Variants in ZNHIT6 observed in about 807,000 individuals in gnomAD.
ZNHIT6 encodes zinc finger HIT-type containing 6.
Under a neutral mutation model 57.2 loss-of-function variants are expected in ZNHIT6, and 45 were observed. The observed-to-expected ratio is 0.79, with a 90% CI of 0.62 to 1.01. The LOEUF (loss-of-function observed/expected upper bound fraction) is 1.01. Ranked by LOEUF, ZNHIT6 falls within the 50% of genes least tolerant of loss-of-function variation. The pLI is 0.00. For synonymous variants in ZNHIT6, 188 were observed against 190.0 expected, an observed-to-expected ratio of 0.99 and a Z score of 0.09; for missense variants, 528 against 567.3, an observed-to-expected ratio of 0.93 and a Z score of 0.70.
Position 85,650,954 on chromosome 1 carries a change from A to T in ZNHIT6, c.*3104T>A, listed in dbSNP as rs1304323944. The T allele has an allele frequency of 6.6e-6, 1 of 152,268 alleles. No individual in the cohort carries two copies. The highest frequency in any genetic ancestry group is 2.4e-5 in the African/African-American group (1 of 41,478). 9.4% of individuals were successfully genotyped at this position (152,268 alleles called of 1,614,324 possible). A position where few individuals can be genotyped will look rare whatever the true frequency, so the allele number is the denominator to read the frequency against. ...AGCACATGGGGAATCTAATTTCAAC[A>T]TGAGTTTTGGTAGGAACAAACTATA... On this transcript the variant is annotated 3_prime_UTR_variant, in exon 10 of 10. Coordinates refer to ENST00000370574, the MANE Select transcript of ZNHIT6 (RefSeq NM_017953.4).
chr1:85,671,466 ATT>A (rs546617696), intron 8 of ZNHIT6, among the ~76,000 whole-genome samples: 9 of 149,536 alleles, frequency 6.0e-5, no homozygotes, highest in African/African-American at 2.2e-4. Flanking sequence ...TAAAAAAAAA[ATT>A]TTTTTTTTTC....
At chr1:85,684,119 A>C (rs563593728) in intron 5 of ZNHIT6, among the ~76,000 whole-genome samples, 1 of 152,228 alleles carries the variant, frequency 6.6e-6, no homozygotes, top group South Asian at 2.1e-4. Flanking sequence ...TACCCTTGGC[A>C]TATCAACGTT....
intron 8 of ZNHIT6, among the ~76,000 whole-genome samples, chr1:85,666,475 A>C (rs1158865637): frequency 7.2e-6 from 1 of 137,938 alleles, no homozygotes; most frequent in African/African-American, 2.5e-5. Context: ...CACTATAGAA[A>C]TTGTAGGCTT....
chr1:85,654,946 G>C (rs992653115), intron 9 of ZNHIT6, among the ~76,000 whole-genome samples: 2 of 152,166 alleles, frequency 1.3e-5, no homozygotes, highest in Non-Finnish European at 2.9e-5. Context: ...GCTTATAAAA[G>C]CTGATGCTAG....
chr1:85,657,939 AG>A lies in ZNHIT6; in HGVS notation c.1279del (p.Leu427Ter). ...GATCACTTTGTTCCTCAAATTGTCT[AG>A]GAGACTTTTATAAGGATCTAGTTCA... ...YYELDPYKSL[L>X]DNLRNKVIIE... On this transcript the variant is annotated frameshift_variant, in exon 9 of 10. Coordinates refer to ENST00000370574, the MANE Select transcript of ZNHIT6 (RefSeq NM_017953.4). LOFTEE classifies it high-confidence loss of function. 1 of 1,574,948 alleles carries A rather than the reference AG, an allele frequency of 6.3e-7. No homozygotes were observed. The highest frequency in any genetic ancestry group is 2.3e-5 in the East Asian group (1 of 44,402).
intron 9 of ZNHIT6, among the ~76,000 whole-genome samples, chr1:85,656,791 C>T (rs74097067): frequency 0.039 from 5,913 of 152,102 alleles, 415 homozygotes; most frequent in African/African-American, 0.14. Context: ...CAAGTTGTAG[C>T]ACTGATACAA....
intron 9 of ZNHIT6, 116 bp from the exon 10 acceptor site, chr1:85,654,214 C>T (rs1248120528): frequency 1.8e-5 from 14 of 771,576 alleles, no homozygotes; most frequent in Admixed American, 3.0e-5. Flanking sequence ...CACAGGGACA[C>T]ACAAACCGCG....
intron 1 of ZNHIT6, 77 bp downstream of exon 1, chr1:85,707,552 G>T: frequency 7.0e-7 from 1 of 1,423,550 alleles, no homozygotes; most frequent in South Asian, 1.5e-5. Context: ...ACCTTCTCCT[G>T]ATAGTGTGGT....
chr1:85,688,574 G>A lies in ZNHIT6; in HGVS notation c.1020-7670C>T, dbSNP rs901953010. 3.9e-5 allele frequency among the ~76,000 whole-genome samples: 6 copies of A among 152,112 alleles called. No individual in the cohort carries two copies. In the East Asian group the frequency reaches 7.7e-4, roughly 20 times the overall value. ...TCCCTACCTCTCACCACCATCCTTC[G>A]TAATCCATAACCATACCTTAATGAA... On this transcript the variant is annotated intron_variant, in intron 5 of 9. Coordinates refer to ENST00000370574, the MANE Select transcript of ZNHIT6 (RefSeq NM_017953.4).
At chr1:85,682,460 TTGAG>T (rs1661908503) in intron 5 of ZNHIT6, among the ~76,000 whole-genome samples, 1 of 152,204 alleles carries the variant, frequency 6.6e-6, no homozygotes, top group Non-Finnish European at 1.5e-5. Context: ...CAATTCTTGC[TTGAG>T]TAATTTCAAA....
intron 5 of ZNHIT6, among the ~76,000 whole-genome samples, chr1:85,682,227 C>T (rs185474793): frequency 1.3e-3 from 198 of 147,698 alleles, no homozygotes; most frequent in Non-Finnish European, 2.1e-3. Flanking sequence ...GGTTTCACTA[C>T]GTTCGCCAGG....
chr1:85,689,383 G>T (rs1662150915), intron 5 of ZNHIT6, among the ~76,000 whole-genome samples: 1 of 152,066 alleles, frequency 6.6e-6, no homozygotes, highest in African/African-American at 2.4e-5. Context: ...ACCATGATAA[G>T]TGTTTTTTGG....
intron 6 of ZNHIT6, 24 bp from the exon 7 acceptor site, chr1:85,678,805 A>T: frequency 8.0e-7 from 1 of 1,246,940 alleles, no homozygotes; most frequent in Non-Finnish European, 1.1e-6. Flanking sequence ...AAAAAAAAAC[A>T]AGCTATATTA....
intron 9 of ZNHIT6, among the ~76,000 whole-genome samples, chr1:85,655,236 T>G (rs1442072183): frequency 6.6e-6 from 1 of 152,174 alleles, no homozygotes; most frequent in Non-Finnish European, 1.5e-5. Context: ...ATCTATTGTA[T>G]AATAAGTTTT....
chr1:85,669,001 G>A (rs1265698973), intron 8 of ZNHIT6, among the ~76,000 whole-genome samples: 2 of 151,784 alleles, frequency 1.3e-5, no homozygotes, highest in African/African-American at 4.9e-5. Flanking sequence ...AAAAAAAAAT[G>A]TAGGTTTCTG....
chr1:85,696,197 C>T (rs1305731070), intron 5 of ZNHIT6, among the ~76,000 whole-genome samples: 1 of 148,538 alleles, frequency 6.7e-6, no homozygotes, highest in Non-Finnish European at 1.5e-5. Context: ...TTTTTAGAGA[C>T]AGGGTCTCAC....
At position 85,686,204 on chromosome 1, in the gene ZNHIT6, G is replaced by A. The variant is rs368667767; in HGVS notation, c.1020-5300C>T. ...TCTCAATCTCCTGACCTTATGATAC[G>A]CCCGCCTCGGCCTCCCAAAGTGCTG... On this transcript the variant is annotated intron_variant, in intron 5 of 9. Transcript: ENST00000370574. Among the ~76,000 whole-genome samples, 36 of 150,000 alleles carry A rather than the reference G, an allele frequency of 2.4e-4. No homozygotes were observed. In the East Asian group the frequency reaches 3.5e-3, roughly 14 times the overall value.
chr1:85,685,720 G>C (rs1662012904), intron 5 of ZNHIT6, among the ~76,000 whole-genome samples: 1 of 151,982 alleles, frequency 6.6e-6, no homozygotes, highest in Non-Finnish European at 1.5e-5. Context: ...TACCACAGCT[G>C]GCTGTATTTT....
chr1:85,680,820 A>C lies in ZNHIT6; in HGVS notation c.1088+16T>G, dbSNP rs900372252. The C allele has an allele frequency of 6.3e-7, 1 of 1,597,474 alleles. No individual in the cohort carries two copies. On this transcript the variant is annotated intron_variant, in intron 6 of 9. Transcript: ENST00000370574. ...CAAATTAAAACAAATCAGTGATTGA[A>C]AGATAGCAGTGATACCTTTTTTCTA...
Sources: gnomAD v4.1 joint callset for allele counts (sites outside exome capture counted in the v4.1 genomes callset) on GRCh38, gnomAD v4.1.1 for gene constraint, MANE v1.5 for transcripts, NCBI Gene and HGNC (gene_info 2026-07-23, HGNC 2026-07-21) for gene names.